Variants in INSYN2B observed in about 807,000 individuals in gnomAD.
INSYN2B encodes the protein inhibitory synaptic factor family member 2B.
A neutral mutation model predicts 41.2 loss-of-function variants in INSYN2B; 16 were observed. The observed-to-expected ratio is 0.39, with a 90% confidence interval of 0.26 to 0.59. The LOEUF (loss-of-function observed/expected upper bound fraction) is 0.59. Among genes scored for constraint, INSYN2B ranks in the 20% least tolerant of loss-of-function variants. The probability of loss-of-function intolerance (pLI) is 0.57; values close to 1 mark genes in which losing one functional copy is unlikely to be tolerated. For synonymous variants in INSYN2B, 245 were observed against 244.4 expected, an observed-to-expected ratio of 1.00 and a Z score of -0.02; for missense variants, 608 against 646.4, an observed-to-expected ratio of 0.94 and a Z score of 0.64.
Position 169,862,028 on chromosome 5 carries a change from A to G in INSYN2B, c.*2245T>C, listed in dbSNP as rs943065058. On this transcript the variant is annotated 3_prime_UTR_variant, in exon 4 of 4. Coordinates refer to ENST00000377365, the MANE Select transcript of INSYN2B (RefSeq NM_001129891.3). ...AGTTAAGGGTTCATGTGAGGGCCTC[A>G]ACTGGAAACATATCTATGACCACAT... Among the ~76,000 whole-genome samples, 16 of 152,012 alleles carry G rather than the reference A, an allele frequency of 1.1e-4. No homozygotes were observed. Among genetic ancestry groups the G allele is most frequent in the African/African-American group, 3.9e-4 (16 of 41,446 alleles).
intron 1 of INSYN2B, among the ~76,000 whole-genome samples, chr5:169,885,479 G>T (rs759838905): frequency 6.6e-6 from 1 of 152,186 alleles, no homozygotes; most frequent in Non-Finnish European, 1.5e-5. Context: ...GTTCTGCTAT[G>T]ACTGCAACAT....
chr5:169,918,885 G>A (rs537069334), intron 1 of INSYN2B, among the ~76,000 whole-genome samples: 47 of 152,300 alleles, frequency 3.1e-4, no homozygotes, highest in East Asian at 1.2e-3. Context: ...ATTCCAGCCC[G>A]GACGACAGAG....
At chr5:169,905,308 C>A (rs1020801473) in intron 1 of INSYN2B, among the ~76,000 whole-genome samples, 2 of 109,460 alleles carry the variant, frequency 1.8e-5, no homozygotes, top group African/African-American at 7.0e-5. Context: ...TTTTTTTTTT[C>A]AGGAGAAGCC....
At chr5:169,892,110 G>A (rs532596926) in intron 1 of INSYN2B, among the ~76,000 whole-genome samples, 80 of 152,018 alleles carry the variant, frequency 5.3e-4, no homozygotes, top group South Asian at 5.2e-3. Flanking sequence ...TTCCTTTAGC[G>A]GTAAAATCAG....
chr5:169,882,766 T>C lies in INSYN2B; in HGVS notation c.1133A>G (p.His378Arg), dbSNP rs1772732327. ...ACTCCTTGAAAGAGAGGATGGGAGATGATTACTTCCTGGACAATTTGGAAA... is the reference window on the plus strand; with the variant it reads ...ACTCCTTGAAAGAGAGGATGGGAGACGATTACTTCCTGGACAATTTGGAAA... ...LEFPNCPGSN[H>R]LPSSLSRSET... The change falls in exon 2 of 4, where the codon CAT becomes CGT. Residue 378 changes from histidine to arginine, a missense_variant. His to Arg is a conservative substitution (Grantham distance 29). Coordinates refer to ENST00000377365, the MANE Select transcript of INSYN2B (RefSeq NM_001129891.3). 1 of 1,551,784 alleles carries C rather than the reference T, an allele frequency of 6.4e-7. No individual in the cohort carries two copies. Among genetic ancestry groups the C allele is most frequent in the South Asian group, 1.2e-5 (1 of 84,048 alleles).
chr5:169,890,369 G>A (rs1189739831), intron 1 of INSYN2B, among the ~76,000 whole-genome samples: 1 of 152,150 alleles, frequency 6.6e-6, no homozygotes, highest in Non-Finnish European at 1.5e-5. Flanking sequence ...TTCAAAGTTT[G>A]TTTTCCTTCC....
intron 1 of INSYN2B, among the ~76,000 whole-genome samples, chr5:169,921,426 A>T (rs1208674190): frequency 6.6e-6 from 1 of 152,208 alleles, no homozygotes; most frequent in Non-Finnish European, 1.5e-5. Context: ...CTGCTGTGAT[A>T]TTCTTTTAAA....
chr5:169,889,604 C>T (rs561744376), intron 1 of INSYN2B, among the ~76,000 whole-genome samples: 1 of 152,322 alleles, frequency 6.6e-6, no homozygotes, highest in South Asian at 2.1e-4. Flanking sequence ...GGGGTTCAGA[C>T]TATCCTTTAC....
chr5:169,917,187 CA>C (rs1181951850), intron 1 of INSYN2B, among the ~76,000 whole-genome samples: 1 of 152,154 alleles, frequency 6.6e-6, no homozygotes, highest in African/African-American at 2.4e-5. Context: ...GTAGGGATTC[CA>C]GGTGATTCTT....
At chr5:169,911,439 A>T (rs1774593639) in intron 1 of INSYN2B, among the ~76,000 whole-genome samples, 1 of 152,204 alleles carries the variant, frequency 6.6e-6, no homozygotes, top group Non-Finnish European at 1.5e-5. Context: ...ACTGAGCTGT[A>T]CATAAGATTG....
At chr5:169,953,965 C>A (rs1234068216) in intron 1 of INSYN2B, among the ~76,000 whole-genome samples, 1 of 152,172 alleles carries the variant, frequency 6.6e-6, no homozygotes, top group Admixed American at 6.5e-5. Context: ...ATGGCAAAGG[C>A]TTCACAAGAG....
At chr5:169,896,041 C>T (rs188474995) in intron 1 of INSYN2B, among the ~76,000 whole-genome samples, 30 of 152,292 alleles carry the variant, frequency 2.0e-4, no homozygotes, top group African/African-American at 7.0e-4. Flanking sequence ...CTTTCTGGGC[C>T]AACGACCAGG....
chr5:169,880,384 A>G (rs903961155), intron 3 of INSYN2B, among the ~76,000 whole-genome samples: 1 of 152,252 alleles, frequency 6.6e-6, no homozygotes, highest in Non-Finnish European at 1.5e-5. Flanking sequence ...AGAAGTTTTA[A>G]AAGAAGACAT....
At chr5:169,939,087 G>A (rs964064703) in intron 1 of INSYN2B, among the ~76,000 whole-genome samples, 1 of 151,750 alleles carries the variant, frequency 6.6e-6, no homozygotes, top group African/African-American at 2.4e-5. Context: ...TGTATTTTTA[G>A]TAGAGACGGG....
chr5:169,924,130 T>A (rs33374), intron 1 of INSYN2B, among the ~76,000 whole-genome samples: 47,847 of 151,988 alleles, frequency 0.31, 8,360 homozygotes, highest in East Asian at 0.55. Context: ...GGCACCTGCA[T>A]GCTCCCAGTC....
chr5:169,886,473 C>T (rs1293233511), intron 1 of INSYN2B, among the ~76,000 whole-genome samples: 2 of 152,180 alleles, frequency 1.3e-5, no homozygotes, highest in Non-Finnish European at 2.9e-5. Flanking sequence ...CATCTTCCTC[C>T]TCAGATAATA....
At chr5:169,899,553 T>C (rs1211297997) in intron 1 of INSYN2B, among the ~76,000 whole-genome samples, 1 of 152,206 alleles carries the variant, frequency 6.6e-6, no homozygotes, top group Non-Finnish European at 1.5e-5. Flanking sequence ...TAATGGAGAA[T>C]ATAAATGTTT....
intron 1 of INSYN2B, among the ~76,000 whole-genome samples, chr5:169,947,288 G>A (rs35392205): frequency 0.02 from 2,999 of 152,324 alleles, 107 homozygotes; most frequent in African/African-American, 0.066. Context: ...TTCCAAGATT[G>A]TGAAGAGGAG....
chr5:169,916,400 C>A (rs950757382), intron 1 of INSYN2B, among the ~76,000 whole-genome samples: 1 of 152,172 alleles, frequency 6.6e-6, no homozygotes, highest in African/African-American at 2.4e-5. Flanking sequence ...CCTCCTATCA[C>A]CCCTGTTCTG....
Sources: allele counts gnomAD v4.1 joint callset (sites outside exome capture counted in the v4.1 genomes callset), GRCh38; gene constraint gnomAD v4.1.1; transcripts MANE v1.5; gene names NCBI Gene and HGNC (gene_info 2026-07-23, HGNC 2026-07-21).